Variants in MYCBPAP observed in about 807,000 individuals in gnomAD.
MYCBPAP encodes MYCBP associated protein.
In MYCBPAP, 60 loss-of-function variants were observed where a neutral mutation model predicts 106.1. The observed-to-expected ratio is 0.57, with a 90% confidence interval of 0.46 to 0.70. The LOEUF (loss-of-function observed/expected upper bound fraction) is 0.70. Among genes scored for constraint, MYCBPAP ranks in the 30% least tolerant of loss-of-function variants. MYCBPAP has a pLI of 0.00. For missense variants in MYCBPAP, 1,064 were observed against 1,169.3 expected (o/e 0.91, Z 1.31); for synonymous variants, 407 against 440.6 (o/e 0.92, Z 0.95).
intron 15 of MYCBPAP, 137 bp downstream of exon 15, chr17:50,527,545 C>A: frequency 1.7e-6 from 2 of 1,157,002 alleles, no homozygotes; most frequent in Non-Finnish European, 2.4e-6. Flanking sequence ...CGCAAACATT[C>A]CACGTTCTGG....
At chr17:50,528,382 T>C (rs973416678) in intron 16 of MYCBPAP, 112 bp downstream of exon 16, 5 of 1,007,240 alleles carry the variant, frequency 5.0e-6, no homozygotes, top group Middle Eastern at 2.1e-4. Context: ...CTCTGCTAGG[T>C]TGAGCCCATG....
chr17:50,511,249 G>T (rs770512696), intron 1 of MYCBPAP, among the ~76,000 whole-genome samples: 11 of 151,974 alleles, frequency 7.2e-5, no homozygotes, highest in Non-Finnish European at 1.5e-4. Flanking sequence ...AGCAAAAATA[G>T]TGACTTAAAC....
chr17:50,523,080 G>A lies in MYCBPAP; in HGVS notation c.1399G>A (p.Asp467Asn). ...GCAGCACCAGCCGGACACTTTCCAAGACCTTAAGAAAAACAGGATGCAGCG... is the reference window on the plus strand; with the variant it reads ...GCAGCACCAGCCGGACACTTTCCAAAACCTTAAGAAAAACAGGATGCAGCG... ...RRQHQPDTFQ[D>N]LKKNRMQRFY... Residue 467 changes from aspartate (D) to asparagine (N), a missense_variant, in exon 11 of 19, where the codon GAC becomes AAC. Physicochemically the swap from Asp to Asn is conservative, Grantham distance 23. Transcript: ENST00000323776. 1 of 1,614,118 alleles carries A rather than the reference G, an allele frequency of 6.2e-7. No homozygotes were observed. Among genetic ancestry groups the A allele is most frequent in the East Asian group, 2.2e-5 (1 of 44,880 alleles).
intron 10 of MYCBPAP, chr17:50,522,726 TTG>T (rs2034319945): frequency 9.2e-5 from 6 of 65,292 alleles, no homozygotes; most frequent in African/African-American, 9.8e-5. Flanking sequence ...ATATATATAT[TTG>T]TTTTATCTTC....
At chr17:50,525,097 G>A in intron 13 of MYCBPAP, 74 bp downstream of exon 13, 1 of 1,538,220 alleles carries the variant, frequency 6.5e-7, no homozygotes, top group Non-Finnish European at 8.8e-7. Context: ...AGGCCGCACA[G>A]CGGCAGGTGA....
intron 18 of MYCBPAP, among the ~76,000 whole-genome samples, chr17:50,530,826 C>A (rs1203999047): frequency 6.6e-6 from 1 of 152,028 alleles, no homozygotes; most frequent in African/African-American, 2.4e-5. Context: ...CCTGGAGTTG[C>A]CCCTTGAACA....
rs2034489503 is a variant in MYCBPAP at position 50,527,197 on chromosome 17, C to G, written c.2170-90C>G. 3.9e-6 allele frequency: 6 copies of G among 1,557,588 alleles called. No individual in the cohort carries two copies. The South Asian group carries it at 4.8e-5, about 12-fold the overall frequency. ...CTGCATCCCCTCCTGGTTCCTGGTC[C>G]CCTGCCACCCATCCCCACATCACCA... On this transcript the variant is annotated intron_variant, in intron 14 of 18. Transcript: ENST00000323776.
rs932999628 is a variant in MYCBPAP at position 50,529,329 on chromosome 17, G to C, written c.2724+141G>C. The C allele has an allele frequency of 5.4e-6, 4 of 742,876 alleles. No homozygotes were observed. In the South Asian group the frequency reaches 5.7e-5, roughly 11 times the overall value. 46.0% of individuals were successfully genotyped at this position (742,876 alleles called of 1,614,324 possible). A position where few individuals can be genotyped will look rare whatever the true frequency, so the allele number is the denominator to read the frequency against. ...AAGGGCATCCTCGTGTGTGAGACAG[G>C]CCTCATGAATAAGGAATGCGCCTAG... On this transcript the variant is annotated intron_variant, in intron 18 of 18. Coordinates refer to ENST00000323776, the MANE Select transcript of MYCBPAP (RefSeq NM_032133.6).
At position 50,521,118 on chromosome 17, in the gene MYCBPAP, G is replaced by C. The variant is rs1333507603; in HGVS notation, c.925G>C (p.Ala309Pro). 3.7e-6 allele frequency: 6 copies of C among 1,612,104 alleles called. No individual in the cohort carries two copies. Among genetic ancestry groups the C allele is most frequent in the Non-Finnish European group, 5.1e-6 (6 of 1,179,348 alleles). ...CTTGGACCTCATGCTAGGATTACCA[G>C]CCCAGAGGGACGCTTCATACCGCTA... ...HSIRVETGLP[A>P]QRDASYRYTW... Residue 309 changes from alanine to proline, a missense_variant, in exon 8 of 19, where the codon GCC becomes CCC. By Grantham distance (27) the Ala-to-Pro change is conservative. Transcript: ENST00000323776.
In MYCBPAP at chr17:50,517,596, T is replaced by A; in HGVS notation, c.366T>A (p.Gly122=). Residue 122 remains glycine (G), a splice_region_variant and synonymous_variant, in exon 4 of 19, where the codon GGT becomes GGA. Coordinates refer to ENST00000323776, the MANE Select transcript of MYCBPAP (RefSeq NM_032133.6). ...DEATKPLDYS[G]PGDSFDGSDQ... is the part of the protein sequence containing the mutation. ...CCCTTTCTTCTTTTATCCTCCCAGG[T>A]CCCGGTGACAGCTTCGATGGCAGTG... 1 of 1,614,052 alleles carries A rather than the reference T, an allele frequency of 6.2e-7. No individual in the cohort carries two copies. The highest frequency in any genetic ancestry group is 8.5e-7 in the Non-Finnish European group (1 of 1,180,006).
At chr17:50,530,842 G>C (rs2034612452) in intron 18 of MYCBPAP, among the ~76,000 whole-genome samples, 1 of 151,754 alleles carries the variant, frequency 6.6e-6, no homozygotes, top group African/African-American at 2.4e-5. Flanking sequence ...GAACAACTTA[G>C]CTCTAGTATC....
rs200103442 is a variant in MYCBPAP, at chr17:50,529,138, C to T, written c.2674C>T (p.Pro892Ser). 122 of 1,613,656 alleles carry T rather than the reference C, an allele frequency of 7.6e-5. 1 individual carries two copies. The highest frequency in any genetic ancestry group is 9.6e-5 in the Non-Finnish European group (113 of 1,180,048). The change falls in exon 18 of 19, where the codon CCC becomes TCC. Residue 892 changes from proline to serine, a missense_variant. Pro to Ser is a moderately conservative substitution (Grantham distance 74). Transcript: ENST00000323776. ...TGACATCATCCTCTCTTCTCAAGAA[C>T]CCATAGACCCCCTGGTCATGGGGAA... ...TPDIILSSQE[P>S]IDPLVMGKYT...
Position 50,528,368 on chromosome 17 carries a change from G to A in MYCBPAP, c.2407+98G>A. 3.7e-6 allele frequency: 4 copies of A among 1,089,454 alleles called. No individual in the cohort carries two copies. In the South Asian group the frequency reaches 4.2e-5, roughly 12 times the overall value. 67.5% of individuals were successfully genotyped at this position (1,089,454 alleles called of 1,614,324 possible). On this transcript the variant is annotated intron_variant, in intron 16 of 18. Transcript: ENST00000323776. ...CTGGGCCAGTCATACTCCTTTGGTGGAAGCTCTGCTAGGTTGAGCCCATGG... is the reference window on the plus strand; with the variant it reads ...CTGGGCCAGTCATACTCCTTTGGTGAAAGCTCTGCTAGGTTGAGCCCATGG...
chr17:50,526,397 T>C, intron 14 of MYCBPAP, 130 bp downstream of exon 14: 1 of 706,248 alleles, frequency 1.4e-6, no homozygotes, highest in Non-Finnish European at 2.2e-6. Flanking sequence ...AAGTGATCTC[T>C]TGGGTTATCT....
Position 50,508,522 on chromosome 17 carries a change from G to A in MYCBPAP, c.-153G>A, listed in dbSNP as rs1232087799. ...CGATGAAGAAGGAGGTTTCCAAGCC[G>A]TCTCCGCCCAAGTTGATCGGTGGAT... On this transcript the variant is annotated 5_prime_UTR_variant, in exon 1 of 19. Coordinates refer to ENST00000323776, the MANE Select transcript of MYCBPAP (RefSeq NM_032133.6). 5 of 1,535,084 alleles carry A rather than the reference G, an allele frequency of 3.3e-6. No individual in the cohort carries two copies. In the East Asian group the frequency reaches 9.9e-5, roughly 30 times the overall value.
intron 6 of MYCBPAP, 127 bp from the exon 7 acceptor site, chr17:50,519,513 C>T: frequency 8.7e-7 from 1 of 1,145,570 alleles, no homozygotes; most frequent in Non-Finnish European, 1.2e-6. Context: ...GTTATGCAAT[C>T]ACGGCAGCAA....
chr17:50,509,284 T>A (rs2033733443), intron 1 of MYCBPAP: 1 of 638,714 alleles, frequency 1.6e-6, no homozygotes, highest in Admixed American at 2.3e-5. Context: ...TCTTTTTGAC[T>A]GCCTTTTCCT....
At chr17:50,511,192 C>G (rs541326628) in intron 1 of MYCBPAP, among the ~76,000 whole-genome samples, 3 of 152,090 alleles carry the variant, frequency 2.0e-5, no homozygotes, top group African/African-American at 7.2e-5. Flanking sequence ...ATTTTGTAAC[C>G]TTGTGCGATG....
At position 50,523,727 on chromosome 17, in the gene MYCBPAP, T is replaced by G. The variant is rs745379527; in HGVS notation, c.1578T>G (p.Asn526Lys). Residue 526 changes from asparagine to lysine, a missense_variant, in exon 12 of 19, where the codon AAT (asparagine) becomes AAG (lysine). Asn to Lys is a moderately conservative substitution (Grantham distance 94). Transcript: ENST00000323776. Reference protein sequence around the residue: ...TLLGGAILQVNLHAVSLTQDV... With the variant: ...TLLGGAILQVKLHAVSLTQDV... ...TAGGAGGTGCTATACTGCAGGTCAA[T>G]CTCCACGCGGTCTCCCTGACCCAGG... 8 of 1,613,996 alleles carry G rather than the reference T, an allele frequency of 5.0e-6. No homozygotes were observed. The East Asian group carries it at 1.8e-4, about 36-fold the overall frequency.
Sources: gnomAD v4.1 joint callset for allele counts (sites outside exome capture counted in the v4.1 genomes callset) on GRCh38, gnomAD v4.1.1 for gene constraint, MANE v1.5 for transcripts, NCBI Gene and HGNC (gene_info 2026-07-23, HGNC 2026-07-21) for gene names.